The following CELSR1 variants were observed in gnomAD, a reference collection of about 807,000 sequenced individuals.
The protein encoded by CELSR1 is adhesion G protein-coupled receptor C1.
A neutral mutation model predicts 249.1 loss-of-function variants in CELSR1; 110 were observed. The observed-to-expected ratio is 0.44, with a 90% CI of 0.38 to 0.52. CELSR1 has a LOEUF of 0.52. CELSR1 is among the 20% of genes least tolerant of loss of function. CELSR1 has a pLI of 0.00. For synonymous variants in CELSR1, 2,113 were observed against 1,900.0 expected, an observed-to-expected ratio of 1.11 and a Z score of -2.92; for missense variants, 4,109 against 4,296.4, an observed-to-expected ratio of 0.96 and a Z score of 1.22.
rs968170638 is a variant in CELSR1, at chr22:46,413,248, A to C, written c.4612-1489T>G. Among the ~76,000 whole-genome samples the C allele has an allele frequency of 7.9e-5, 12 of 152,260 alleles. No homozygotes were observed. The highest frequency in any genetic ancestry group is 2.9e-4 in the African/African-American group (12 of 41,472). The stretch of plus-strand genomic sequence containing the variant: ...TAGGAACAAAGTATCTATTTTGATC[A>C]GGGAAACGAGGCTGAAAAGCAGGAC... On this transcript the variant is annotated intron_variant, in intron 5 of 34. Transcript: ENST00000674500. The surrounding 1 kb of genome is among the most constrained non-coding windows in gnomAD (Gnocchi z 4.7).
Position 46,380,991 on chromosome 22 carries a change from G to A in CELSR1, c.7089-36C>T, listed in dbSNP as rs753248093. The stretch of plus-strand genomic sequence containing the variant: ...GAAGCCAGAGCATGGGGACAAACAC[G>A]GTGAGGAAACATCTGCTTAAATCCC... On this transcript the variant is annotated intron_variant, in intron 21 of 34. Transcript: ENST00000674500. This position sits in a 1 kb window ranked among gnomAD's most constrained non-coding sequence, Gnocchi z 5.1. The A allele has an allele frequency of 1.1e-5, 17 of 1,599,746 alleles. No individual in the cohort carries two copies. The highest frequency in any genetic ancestry group is 5.0e-5 in the Admixed American group (3 of 59,610).
At position 46,410,463 on chromosome 22, in the gene CELSR1, T is replaced by A; in HGVS notation, c.4868A>T (p.Asn1623Ile). The A allele has an allele frequency of 6.2e-7, 1 of 1,613,872 alleles. No individual in the cohort carries two copies. ...CACATTTTTGCCGTCGACTGACAGGTTCCGCATGCAGCCCACGAACTGCCG... is the reference window on the plus strand; with the variant it reads ...CACATTTTTGCCGTCGACTGACAGGATCCGCATGCAGCCCACGAACTGCCG... ...HNRQFVGCMRNLSVDGKNVDM... is the reference protein window; with the variant it reads ...HNRQFVGCMRILSVDGKNVDM... Residue 1623 changes from asparagine (N) to isoleucine (I), a missense_variant, in exon 7 of 35, where the codon AAC (asparagine) becomes ATC (isoleucine). Asn to Ile is a moderately radical substitution (Grantham distance 149, BLOSUM62 -3). Coordinates refer to ENST00000674500, the MANE Select transcript of CELSR1 (RefSeq NM_001378328.1). This position sits in a 1 kb window ranked among gnomAD's most constrained non-coding sequence, Gnocchi z 6.8.
chr22:46,365,667 C>T lies in CELSR1; in HGVS notation c.8323G>A (p.Gly2775Ser), dbSNP rs745559079. 1.5e-5 allele frequency: 24 copies of T among 1,581,350 alleles called. No individual in the cohort carries two copies. Among genetic ancestry groups the T allele is most frequent in the African/African-American group, 1.1e-4 (8 of 74,156 alleles). ...IVRDEGIQKL[G>S]VSSGLVRGSH... Reference sequence around the variant, plus strand: ...CCCCTCACCAGCCCAGAGGACACGCCGAGCTTCTGGATCCCTTCATCCCTA... The same window carrying T: ...CCCCTCACCAGCCCAGAGGACACGCTGAGCTTCTGGATCCCTTCATCCCTA... The change falls in exon 31 of 35, where the codon GGC becomes AGC. Residue 2775 changes from glycine (G) to serine (S), a missense_variant. Coordinates refer to ENST00000674500, the MANE Select transcript of CELSR1 (RefSeq NM_001378328.1).
chr22:46,499,900 C>G (rs995753517), intron 1 of CELSR1, among the ~76,000 whole-genome samples: 1 of 152,148 alleles, frequency 6.6e-6, no homozygotes, highest in African/African-American at 2.4e-5. Flanking sequence ...AAAGCCAGAA[C>G]CGTGCCTCTT....
intron 1 of CELSR1, among the ~76,000 whole-genome samples, chr22:46,503,089 G>T (rs189872964): frequency 7.0e-4 from 107 of 152,272 alleles, no homozygotes; most frequent in African/African-American, 2.6e-3. Flanking sequence ...AGTCGGGGGA[G>T]GCTCTCTCCT....
chr22:46,391,132 C>T lies in CELSR1; in HGVS notation c.6250+54G>A. ...ATGAGTCCCCACATCTCGACTGGCT[C>T]CTCCCACAAGGACGCCTGCCTCAGT... On this transcript the variant is annotated intron_variant, in intron 16 of 34. Transcript: ENST00000674500. This position sits in a 1 kb window ranked among gnomAD's most constrained non-coding sequence, Gnocchi z 4.3. 1 of 1,437,938 alleles carries T rather than the reference C, an allele frequency of 7.0e-7. No homozygotes were observed. Among genetic ancestry groups the T allele is most frequent in the Non-Finnish European group, 9.7e-7 (1 of 1,032,972 alleles). 89.1% of individuals were successfully genotyped at this position (1,437,938 alleles called of 1,614,324 possible).
At position 46,440,154 on chromosome 22, in the gene CELSR1, G is replaced by A. The variant is rs557954821; in HGVS notation, c.4184-743C>T. Among the ~76,000 whole-genome samples, 54 of 152,158 alleles carry A rather than the reference G, an allele frequency of 3.5e-4. 1 individual carries two copies. The highest frequency in any genetic ancestry group is 3.4e-3 in the Middle Eastern group (1 of 294). ...CACAGCACACTGCCTCTCTCCATCC[G>A]CCCTCAGACCAGGAGTGCTAAGAAC... On this transcript the variant is annotated intron_variant, in intron 2 of 34. Transcript: ENST00000674500. The surrounding 1 kb of genome is among the most constrained non-coding windows in gnomAD (Gnocchi z 4.7).
intron 12 of CELSR1, among the ~76,000 whole-genome samples, chr22:46,397,232 T>C (rs1025477599): frequency 1.3e-5 from 2 of 151,210 alleles, no homozygotes; most frequent in East Asian, 1.9e-4. Context: ...GCCTCCCACG[T>C]AGCTAGGACT....
chr22:46,369,176 T>C lies in CELSR1; in HGVS notation c.7952+3A>G. On this transcript the variant is annotated splice_donor_region_variant and intron_variant, in intron 27 of 34. Transcript: ENST00000674500. ...CTGGCCGGTCAGGTTCAGCCCCACTTACACGATCCCTTTTTTCCCATAATA... is the reference window on the plus strand; with the variant it reads ...CTGGCCGGTCAGGTTCAGCCCCACTCACACGATCCCTTTTTTCCCATAATA... 1 of 1,613,876 alleles carries C rather than the reference T, an allele frequency of 6.2e-7. No individual in the cohort carries two copies. Among genetic ancestry groups the C allele is most frequent in the Admixed American group, 1.7e-5 (1 of 60,030 alleles).
At position 46,365,306 on chromosome 22, in the gene CELSR1, C is replaced by T; in HGVS notation, c.8479G>A (p.Asp2827Asn). The change falls in exon 32 of 35, where the codon GAC becomes AAC. Residue 2827 changes from aspartate to asparagine, a missense_variant. Physicochemically the swap from Asp to Asn is conservative, Grantham distance 23 (BLOSUM62 1). This residue lies in a region of CELSR1 where 1,805 missense variants were observed against 1,831.6 expected (regional missense o/e 0.99). Transcript: ENST00000674500. Reference protein sequence around the residue: ...SSSYASSHSSDSEDDGVGAEE... With the variant: ...SSSYASSHSSNSEDDGVGAEE... ...GCTCCCACCCCATCGTCCTCGCTGTCTGACGAGTGTGAGGAGGCGTAAGAG... is the reference window on the plus strand; with the variant it reads ...GCTCCCACCCCATCGTCCTCGCTGTTTGACGAGTGTGAGGAGGCGTAAGAG... 1 of 1,612,986 alleles carries T rather than the reference C, an allele frequency of 6.2e-7. No individual in the cohort carries two copies. The highest frequency in any genetic ancestry group is 8.5e-7 in the Non-Finnish European group (1 of 1,179,962).
At chr22:46,509,050 G>A (rs965919326) in intron 1 of CELSR1, among the ~76,000 whole-genome samples, 10 of 152,178 alleles carry the variant, frequency 6.6e-5, no homozygotes, top group Admixed American at 5.2e-4. Flanking sequence ...TTTTAAAGGC[G>A]TCATCATCAC....
intron 5 of CELSR1, among the ~76,000 whole-genome samples, chr22:46,431,585 G>T (rs1012594904): frequency 6.6e-6 from 1 of 152,212 alleles, no homozygotes; most frequent in Non-Finnish European, 1.5e-5. Flanking sequence ...CCACCCCAGG[G>T]GGCATTGAGC....
intron 2 of CELSR1, among the ~76,000 whole-genome samples, chr22:46,452,704 G>A (rs2079900280): frequency 6.6e-6 from 1 of 152,242 alleles, no homozygotes; most frequent in Admixed American, 6.5e-5. Flanking sequence ...CAGCTCAGGA[G>A]GCCTCCAGGA....
rs191225080 is a variant in CELSR1 at position 46,517,804 on chromosome 22, A to G, written c.3544+15823T>C. Among the ~76,000 whole-genome samples, 486 of 152,266 alleles carry G rather than the reference A, an allele frequency of 3.2e-3. 4 individuals are homozygous for G. The highest frequency in any genetic ancestry group is 0.011 in the African/African-American group (458 of 41,542). The stretch of plus-strand genomic sequence containing the variant: ...CCCATGGCTATGGCACTTGGCATTG[A>G]GACCCAGAGGGAAAGGGAGGGTGAG... On this transcript the variant is annotated intron_variant, in intron 1 of 34. Coordinates refer to ENST00000674500, the MANE Select transcript of CELSR1 (RefSeq NM_001378328.1). This position sits in a 1 kb window ranked among gnomAD's most constrained non-coding sequence, Gnocchi z 5.4.
rs2080156065 is a variant in CELSR1, at chr22:46,471,623, T to G, written c.3545-7278A>C. On this transcript the variant is annotated intron_variant, in intron 1 of 34. Coordinates refer to ENST00000674500, the MANE Select transcript of CELSR1 (RefSeq NM_001378328.1). This position sits in a 1 kb window ranked among gnomAD's most constrained non-coding sequence, Gnocchi z 4.9. ...GTTGCCCAGGCTGGTCTCACACTCC[T>G]GGCCTCAAGCGATCCTCCCACCTCA... 6.6e-6 allele frequency among the ~76,000 whole-genome samples: 1 copy of G among 152,200 alleles called. No homozygotes were observed. The highest frequency in any genetic ancestry group is 6.6e-5 in the Admixed American group (1 of 15,266).
At chr22:46,369,385 C>A in intron 26 of CELSR1, 127 bp from the exon 27 acceptor site, 2 of 781,214 alleles carry the variant, frequency 2.6e-6, no homozygotes, top group Admixed American at 2.4e-5. Flanking sequence ...CGAACCCTGG[C>A]CTGTGGGGCG....
intron 1 of CELSR1, among the ~76,000 whole-genome samples, chr22:46,516,760 T>G (rs928802208): frequency 3.3e-5 from 5 of 152,008 alleles, no homozygotes; most frequent in African/African-American, 1.2e-4. Flanking sequence ...TCCCTCCACT[T>G]CTCACCCAGG....
At chr22:46,507,732 C>T (rs1298000302) in intron 1 of CELSR1, among the ~76,000 whole-genome samples, 5 of 152,180 alleles carry the variant, frequency 3.3e-5, no homozygotes, top group Non-Finnish European at 7.4e-5. Context: ...GAAGCCCCGC[C>T]CCTAGAGTAC....
chr22:46,474,289 G>T (rs1219734227), intron 1 of CELSR1, among the ~76,000 whole-genome samples: 3 of 152,084 alleles, frequency 2.0e-5, no homozygotes, highest in Admixed American at 6.5e-5. Flanking sequence ...ACACCCCCAG[G>T]AAGCCCACAT....
Sources: gnomAD v4.1 joint callset for allele counts (sites outside exome capture counted in the v4.1 genomes callset) on GRCh38, gnomAD v4.1.1 for gene constraint, gnomAD v4.1.1 regional missense constraint, Gnocchi (gnomAD v3.1) non-coding constraint, MANE v1.5 for transcripts, NCBI Gene and HGNC (gene_info 2026-07-23, HGNC 2026-07-21) for gene names.